SLC8A1: variants seen among roughly 807,000 people sequenced by gnomAD.
SLC8A1 encodes sodium/calcium exchanger 1.
In SLC8A1, 18 loss-of-function variants were observed where a neutral mutation model predicts 68.3. The ratio of observed to expected loss-of-function variants is 0.26; its 90% CI spans 0.18 to 0.39. The LOEUF is 0.39. SLC8A1 is among the 10% of genes least tolerant of loss of function. The probability of loss-of-function intolerance (pLI) is 1.00; values close to 1 mark genes in which losing one functional copy is unlikely to be tolerated. For synonymous variants in SLC8A1, 475 were observed against 415.5 expected, an observed-to-expected ratio of 1.14 and a Z score of -1.74; for missense variants, 985 against 1,156.7, an observed-to-expected ratio of 0.85 and a Z score of 2.15.
chr2:40,102,096 G>A (rs1425675453), exon 8 of SLC8A1: 1 of 152,156 alleles, frequency 6.6e-6, no homozygotes, highest in African/African-American at 2.4e-5. Flanking sequence ...ATTTGTGCTA[G>A]TTTAATTATA....
At chr2:40,353,689 C>T (rs552153184) in intron 2 of SLC8A1, among the ~76,000 whole-genome samples, 2 of 152,308 alleles carry the variant, frequency 1.3e-5, no homozygotes, top group South Asian at 4.1e-4. Context: ...CTTCTTTATG[C>T]TGCCTACCTG....
chr2:40,280,874 A>T (rs138477860), intron 2 of SLC8A1, among the ~76,000 whole-genome samples: 246 of 152,342 alleles, frequency 1.6e-3, no homozygotes, highest in Non-Finnish European at 2.9e-3. Flanking sequence ...TGGGTAAAAC[A>T]TGACTTCAGT....
chr2:40,398,268 G>C (rs552307518), intron 2 of SLC8A1, among the ~76,000 whole-genome samples: 1 of 152,134 alleles, frequency 6.6e-6, no homozygotes, highest in East Asian at 1.9e-4. Context: ...CTCCAGTTTG[G>C]CTGGCTTTTT....
chr2:40,328,130 T>C (rs1371672786), intron 2 of SLC8A1, among the ~76,000 whole-genome samples: 1 of 152,124 alleles, frequency 6.6e-6, no homozygotes, highest in Non-Finnish European at 1.5e-5. Context: ...ATTCTGAGGT[T>C]TGGATGAGTT....
intron 1 of SLC8A1, among the ~76,000 whole-genome samples, chr2:40,487,156 A>G (rs1010261726): frequency 1.3e-5 from 2 of 152,124 alleles, no homozygotes; most frequent in Non-Finnish European, 2.9e-5. Flanking sequence ...ATATGTATGT[A>G]TAGGAAATGT....
intron 2 of SLC8A1, among the ~76,000 whole-genome samples, chr2:40,369,744 T>G (rs1463406411): frequency 1.3e-5 from 2 of 152,074 alleles, no homozygotes; most frequent in Non-Finnish European, 2.9e-5. Flanking sequence ...GTCTTTCCAG[T>G]TAAATTGTTG....
chr2:40,478,886 C>G (rs1704456979), intron 1 of SLC8A1, among the ~76,000 whole-genome samples: 1 of 152,032 alleles, frequency 6.6e-6, no homozygotes, highest in South Asian at 2.1e-4. Context: ...ATTCTCATGC[C>G]TCAGCCTCCC....
At chr2:40,251,845 C>T (rs776163937) in intron 2 of SLC8A1, 1 of 152,108 alleles carries the variant, frequency 6.6e-6, no homozygotes, top group Non-Finnish European at 1.5e-5. Flanking sequence ...TATACAAATG[C>T]AATTATTTCT....
chr2:40,409,022 T>G (rs1015512577), intron 2 of SLC8A1, among the ~76,000 whole-genome samples: 2 of 152,166 alleles, frequency 1.3e-5, no homozygotes, highest in Non-Finnish European at 2.9e-5. Flanking sequence ...CAGTAGTCAA[T>G]GATTATATGT....
chr2:40,189,344 G>A lies in SLC8A1; in HGVS notation c.1809-11489C>T, dbSNP rs183375143. On this transcript the variant is annotated intron_variant, in intron 2 of 7. Transcript: ENST00000406785. ...ATATTATTATGTTTATTATCGAGACGGAGTCTCGCTCTGTCGCCCAGTCTG... is the reference window on the plus strand; with the variant it reads ...ATATTATTATGTTTATTATCGAGACAGAGTCTCGCTCTGTCGCCCAGTCTG... Among the ~76,000 whole-genome samples, 140 of 152,172 alleles carry A rather than the reference G, an allele frequency of 9.2e-4. 1 individual carries two copies. Among genetic ancestry groups the A allele is most frequent in the African/African-American group, 3.2e-3 (131 of 41,530 alleles).
At chr2:40,347,289 C>T (rs1352721966) in intron 2 of SLC8A1, among the ~76,000 whole-genome samples, 1 of 152,232 alleles carries the variant, frequency 6.6e-6, no homozygotes, top group African/African-American at 2.4e-5. Flanking sequence ...GGGTGAAACA[C>T]CAACCTGGGC....
chr2:40,340,134 T>C (rs186492586), intron 2 of SLC8A1, among the ~76,000 whole-genome samples: 47 of 152,318 alleles, frequency 3.1e-4, no homozygotes, highest in African/African-American at 1.0e-3. Flanking sequence ...TCAAGATATA[T>C]TGCATGCTCT....
chr2:40,499,271 T>G (rs1210668745), intron 1 of SLC8A1, among the ~76,000 whole-genome samples: 1 of 152,100 alleles, frequency 6.6e-6, no homozygotes, highest in East Asian at 1.9e-4. Context: ...CTTTTCTAGC[T>G]CTACTGTAAT....
rs73929425 is a variant in SLC8A1 at position 40,349,397 on chromosome 2, A to G, written c.1808+79076T>C. ...TTTAAGGATTTCTGTGGAAAATGTT[A>G]TTTCAAAAAAATACTTCTGAGGTTA... On this transcript the variant is annotated intron_variant, in intron 2 of 7. Transcript: ENST00000406785. Among the ~76,000 whole-genome samples, 237 of 152,314 alleles carry G rather than the reference A, an allele frequency of 1.6e-3. 1 individual carries two copies. The highest frequency in any genetic ancestry group is 5.4e-3 in the African/African-American group (226 of 41,576).
At chr2:40,430,409 G>T in intron 1 of SLC8A1, 105 bp from the exon 2 acceptor site, 1 of 1,237,672 alleles carries the variant, frequency 8.1e-7, no homozygotes, top group Non-Finnish European at 1.1e-6. Context: ...ACCAAAATTT[G>T]TTTATATTTG....
At chr2:40,307,821 G>A (rs979555839) in intron 2 of SLC8A1, among the ~76,000 whole-genome samples, 1 of 152,070 alleles carries the variant, frequency 6.6e-6, no homozygotes, top group Non-Finnish European at 1.5e-5. Flanking sequence ...AACCTTCCAG[G>A]GGGAAATGGA....
intron 6 of SLC8A1, among the ~76,000 whole-genome samples, chr2:40,156,112 C>T (rs1157666764): frequency 6.6e-6 from 1 of 152,160 alleles, no homozygotes; most frequent in African/African-American, 2.4e-5. Context: ...TTAGGCAAGC[C>T]AGAGGATGGG....
intron 2 of SLC8A1, among the ~76,000 whole-genome samples, chr2:40,313,437 G>C (rs1197684408): frequency 6.6e-6 from 1 of 151,734 alleles, no homozygotes; most frequent in Non-Finnish European, 1.5e-5. Context: ...GGTGTAGAAT[G>C]GCTGGATTAT....
intron 2 of SLC8A1, among the ~76,000 whole-genome samples, chr2:40,379,334 TAAG>T (rs1680957510): frequency 6.6e-6 from 1 of 152,156 alleles, no homozygotes; most frequent in East Asian, 1.9e-4. Flanking sequence ...CTGTTACAAT[TAAG>T]AAGTTTTAGC....
Sources: allele counts gnomAD v4.1 joint callset (sites outside exome capture counted in the v4.1 genomes callset), GRCh38; gene constraint gnomAD v4.1.1; transcripts MANE v1.5; gene names NCBI Gene and HGNC (gene_info 2026-07-23, HGNC 2026-07-21).